The following DNM2 variants were observed in gnomAD, a reference collection of about 807,000 sequenced individuals.
The protein encoded by DNM2 is dynamin 2, also known as dynamin-2.
Under a neutral mutation model 99.0 loss-of-function variants are expected in DNM2, and 15 were observed. The ratio of observed to expected loss-of-function variants is 0.15; its 90% CI spans 0.10 to 0.23. The LOEUF is 0.23. Among genes scored for constraint, DNM2 ranks in the 10% least tolerant of loss-of-function variants. The pLI is 1.00. For missense variants in DNM2, 742 were observed against 1,189.4 expected (o/e 0.62, Z 5.53); for synonymous variants, 525 against 481.2 (o/e 1.09, Z -1.19).
chr19:10,799,775 C>G (rs2072071422), intron 11 of DNM2, among the ~76,000 whole-genome samples: 1 of 151,914 alleles, frequency 6.6e-6, no homozygotes, highest in Non-Finnish European at 1.5e-5. Context: ...CTCAGGTGAT[C>G]TGCCCGCCTT....
At chr19:10,757,788 CAA>C (rs1019943861) in intron 1 of DNM2, among the ~76,000 whole-genome samples, 1 of 151,574 alleles carries the variant, frequency 6.6e-6, no homozygotes, top group Non-Finnish European at 1.5e-5. Context: ...ACTAAAAATA[CAA>C]AAAAATTAGC....
chr19:10,757,616 A>G (rs1032932535), intron 1 of DNM2, among the ~76,000 whole-genome samples: 39 of 152,138 alleles, frequency 2.6e-4, no homozygotes, highest in Admixed American at 2.4e-3. Flanking sequence ...CAAATTTTCA[A>G]CGATCCAAAC....
intron 1 of DNM2, among the ~76,000 whole-genome samples, chr19:10,743,450 G>A (rs1407778051): frequency 1.3e-5 from 2 of 151,544 alleles, no homozygotes; most frequent in Non-Finnish European, 2.9e-5. Context: ...TGAGGCAGGC[G>A]GATCATCTGA....
Position 10,772,683 on chromosome 19 carries a change from G to A in DNM2, c.385+55G>A. On this transcript the variant is annotated intron_variant, in intron 3 of 20. Transcript: ENST00000389253. The surrounding 1 kb of genome is among the most constrained non-coding windows in gnomAD (Gnocchi z 4.9). ...GACCGTTTCTGGTCGTTCATGGACA[G>A]TGCTATGGGTGAGCCTGTGTACTTC... 1 of 1,610,842 alleles carries A rather than the reference G, an allele frequency of 6.2e-7. No individual in the cohort carries two copies. The highest frequency in any genetic ancestry group is 1.7e-5 in the Admixed American group (1 of 59,754).
At chr19:10,763,063 CT>C in intron 2 of DNM2, 1 of 152,978 alleles carries the variant, frequency 6.5e-6, no homozygotes, top group Non-Finnish European at 1.5e-5. Context: ...TCTCTGTCTC[CT>C]TTTTTGTTTT....
chr19:10,723,947 G>A (rs1377723415), intron 1 of DNM2, among the ~76,000 whole-genome samples: 1 of 152,124 alleles, frequency 6.6e-6, no homozygotes, highest in African/African-American at 2.4e-5. Context: ...CATTAGCTGG[G>A]CATGGTGACA....
chr19:10,737,907 C>T (rs1216985709), intron 1 of DNM2, among the ~76,000 whole-genome samples: 1 of 152,192 alleles, frequency 6.6e-6, no homozygotes. Flanking sequence ...GTAATCGGGG[C>T]ACCCATCTCC....
intron 1 of DNM2, among the ~76,000 whole-genome samples, chr19:10,721,405 C>A (rs2068937097): frequency 6.6e-6 from 1 of 152,160 alleles, no homozygotes; most frequent in African/African-American, 2.4e-5. Flanking sequence ...GATCCGCCCA[C>A]CTCGGCCACC....
At chr19:10,777,287 C>A in intron 5 of DNM2, 71 bp downstream of exon 5, 1 of 1,419,954 alleles carries the variant, frequency 7.0e-7, no homozygotes, top group Admixed American at 1.9e-5. Context: ...ACCCCAGCAC[C>A]TGTTCCCTGC....
At chr19:10,801,700 T>C (rs1350314011) in intron 11 of DNM2, among the ~76,000 whole-genome samples, 3 of 151,258 alleles carry the variant, frequency 2.0e-5, no homozygotes, top group Non-Finnish European at 4.4e-5. Context: ...AGGTCAGGAT[T>C]TCGAGACCAG....
chr19:10,720,364 C>T (rs982713093), intron 1 of DNM2, among the ~76,000 whole-genome samples: 7 of 151,754 alleles, frequency 4.6e-5, no homozygotes, highest in East Asian at 1.9e-4. Flanking sequence ...AGGCGTCTAC[C>T]ACCAAGCCCA....
intron 2 of DNM2, among the ~76,000 whole-genome samples, chr19:10,771,099 C>T (rs2070962126): frequency 6.6e-6 from 1 of 152,176 alleles, no homozygotes; most frequent in African/African-American, 2.4e-5. Context: ...GCCATTTCCC[C>T]CTTATTTTTA....
intron 1 of DNM2, among the ~76,000 whole-genome samples, chr19:10,721,883 C>T (rs149072003): frequency 9.9e-5 from 15 of 152,216 alleles, no homozygotes; most frequent in African/African-American, 2.6e-4. Flanking sequence ...AGTCAATATC[C>T]GGATTTCTTG....
intron 1 of DNM2, among the ~76,000 whole-genome samples, chr19:10,738,162 G>A (rs913449962): frequency 2.6e-5 from 4 of 152,240 alleles, no homozygotes; most frequent in African/African-American, 9.6e-5. Context: ...GAAGGCCGAG[G>A]TGGGCAGATC....
At chr19:10,803,724 G>A (rs962296513) in intron 12 of DNM2, 1 of 985,296 alleles carries the variant, frequency 1.0e-6, no homozygotes. Context: ...GTACGCCCTG[G>A]CTGGGTGGCC....
At position 10,831,374 on chromosome 19, in the gene DNM2, TTCTTGGGCTGGGAAA is replaced by T; in HGVS notation, c.*328_*342del. 1 of 1,103,828 alleles carries T rather than the reference TTCTTGGGCTGGGAAA, an allele frequency of 9.1e-7. No individual in the cohort carries two copies. 68.4% of individuals were successfully genotyped at this position (1,103,828 alleles called of 1,614,324 possible). On this transcript the variant is annotated 3_prime_UTR_variant, in exon 21 of 21. Transcript: ENST00000389253. The surrounding 1 kb of genome is among the most constrained non-coding windows in gnomAD (Gnocchi z 4.3). ...GCCTGGGGGGGACTCTACCAAGGTC[TTCTTGGGCTGGGAAA>T]GCCCATGTAGGGCAGGCCTTCTATA... is the stretch of plus-strand genomic sequence containing the variant.
rs144472798 is a variant in DNM2, at chr19:10,831,041, C to T, written c.2607C>T (p.Leu869=). The T allele has an allele frequency of 6.4e-5, 103 of 1,607,352 alleles. No individual in the cohort carries two copies. The highest frequency in any genetic ancestry group is 2.4e-4 in the African/African-American group (18 of 74,902). ...TCCGCCCAGCCGAGCCATCCCTGCT[C>T]GACTAGGCCTCGAGGGGGGCGTGCT... ...TIIRPAEPSL[L]D is the part of the protein sequence containing the mutation. Residue 869 remains leucine, a synonymous_variant, in exon 21 of 21, where the codon CTC becomes CTT. Transcript: ENST00000389253. The surrounding 1 kb of genome is among the most constrained non-coding windows in gnomAD (Gnocchi z 4.3).
chr19:10,768,271 G>T (rs2070864921), intron 2 of DNM2, among the ~76,000 whole-genome samples: 1 of 152,074 alleles, frequency 6.6e-6, no homozygotes, highest in African/African-American at 2.4e-5. Context: ...GGCTAACACG[G>T]TGAAACCATG....
intron 4 of DNM2, among the ~76,000 whole-genome samples, chr19:10,776,581 C>CG (rs1378235467): frequency 6.6e-6 from 1 of 152,228 alleles, no homozygotes; most frequent in Non-Finnish European, 1.5e-5. Flanking sequence ...CCTCAGCCCC[C>CG]GTGGGAGCAG....
Sources: gnomAD v4.1 joint callset for allele counts (sites outside exome capture counted in the v4.1 genomes callset) on GRCh38, gnomAD v4.1.1 for gene constraint, Gnocchi (gnomAD v3.1) non-coding constraint, MANE v1.5 for transcripts, NCBI Gene and HGNC (gene_info 2026-07-23, HGNC 2026-07-21) for gene names.